GAS7: variants seen among roughly 807,000 people sequenced by gnomAD.
The protein encoded by GAS7 is growth arrest specific 7.
GAS7 carries 28 observed loss-of-function variants against 71.1 expected under a neutral mutation model. The observed-to-expected ratio is 0.39, with a 90% CI of 0.29 to 0.54. GAS7 has a LOEUF of 0.54. GAS7 is among the 20% of genes least tolerant of loss of function. The pLI, the probability that GAS7 is intolerant of heterozygous loss-of-function variation, is 0.62. For synonymous variants in GAS7, 258 were observed against 245.8 expected, an observed-to-expected ratio of 1.05 and a Z score of -0.46; for missense variants, 436 against 627.8, an observed-to-expected ratio of 0.69 and a Z score of 3.27.
At chr17:9,984,175 T>C (rs1053961687) in intron 2 of GAS7, among the ~76,000 whole-genome samples, 3 of 152,218 alleles carry the variant, frequency 2.0e-5, no homozygotes, top group Admixed American at 1.3e-4. Context: ...AACTGGGTTC[T>C]TGACTCAACT....
intron 1 of GAS7, among the ~76,000 whole-genome samples, chr17:10,165,403 T>C (rs2074286924): frequency 6.6e-6 from 1 of 152,088 alleles, no homozygotes; most frequent in South Asian, 2.1e-4. Flanking sequence ...GCCTAGCACA[T>C]GTGCTGCTAT....
intron 11 of GAS7, among the ~76,000 whole-genome samples, chr17:9,924,360 G>A (rs1266541862): frequency 6.6e-6 from 1 of 152,018 alleles, no homozygotes; most frequent in Non-Finnish European, 1.5e-5. Flanking sequence ...TTTTTTTGTA[G>A]AGATGAGGTA....
chr17:9,934,273 T>G, intron 8 of GAS7, 29 bp from the exon 9 acceptor site: 1 of 1,508,622 alleles, frequency 6.6e-7, no homozygotes, highest in Non-Finnish European at 9.2e-7. Flanking sequence ...GAGACTCAGG[T>G]CACAAGCCAA....
chr17:9,923,570 G>C (rs1369209436), intron 11 of GAS7, among the ~76,000 whole-genome samples: 1 of 152,162 alleles, frequency 6.6e-6, no homozygotes, highest in Non-Finnish European at 1.5e-5. Flanking sequence ...TACTCAACCT[G>C]GGTTATGGAG....
At chr17:9,997,922 C>T (rs995439416) in intron 2 of GAS7, among the ~76,000 whole-genome samples, 10 of 152,200 alleles carry the variant, frequency 6.6e-5, no homozygotes, top group Admixed American at 6.5e-4. Context: ...GCTTCCATGC[C>T]CTCTCCTGGC....
chr17:9,973,981 TC>T (rs1388846501), intron 3 of GAS7, among the ~76,000 whole-genome samples: 1 of 152,038 alleles, frequency 6.6e-6, no homozygotes, highest in Non-Finnish European at 1.5e-5. Flanking sequence ...CCTGACTCCC[TC>T]CCTCCCCAGA....
chr17:10,151,874 T>G (rs1258157124), intron 1 of GAS7, among the ~76,000 whole-genome samples: 1 of 152,220 alleles, frequency 6.6e-6, no homozygotes, highest in Admixed American at 6.5e-5. Context: ...TTTTGACTTT[T>G]ACTTCTGACA....
intron 2 of GAS7, among the ~76,000 whole-genome samples, chr17:9,982,289 A>G (rs3826528): frequency 0.39 from 58,527 of 152,002 alleles, 13,203 homozygotes; most frequent in African/African-American, 0.64. Context: ...ATTTCTCCCC[A>G]AATGTCCACT....
intron 1 of GAS7, among the ~76,000 whole-genome samples, chr17:10,142,157 A>G (rs2074087824): frequency 6.6e-6 from 1 of 151,024 alleles, no homozygotes; most frequent in Non-Finnish European, 1.5e-5. Context: ...CGGAGCTTGC[A>G]GTGAGCCGAA....
chr17:10,153,166 C>T (rs111920457), intron 1 of GAS7, among the ~76,000 whole-genome samples: 5,070 of 145,428 alleles, frequency 0.035, 356 homozygotes, highest in East Asian at 0.33. Flanking sequence ...GCCAAGATCA[C>T]GCCATTACAC....
intron 2 of GAS7, among the ~76,000 whole-genome samples, chr17:10,005,154 CAT>C (rs1567879978): frequency 5.8e-5 from 2 of 34,562 alleles, no homozygotes; most frequent in Non-Finnish European, 1.3e-4. Flanking sequence ...CGCATGCATG[CAT>C]GTGTGTGCGC....
At chr17:10,027,182 C>G (rs1235052491) in intron 1 of GAS7, 2 of 152,186 alleles carry the variant, frequency 1.3e-5, no homozygotes, top group African/African-American at 4.8e-5. Flanking sequence ...ATGTCCCTAT[C>G]CCTCTTTTCA....
At chr17:9,970,844 G>A (rs138772302) in intron 3 of GAS7, among the ~76,000 whole-genome samples, 382 of 152,196 alleles carry the variant, frequency 2.5e-3, no homozygotes, top group African/African-American at 8.4e-3. Flanking sequence ...AAGCCCCAAC[G>A]CCGCTACACG....
chr17:9,931,328 G>A (rs568618990), intron 9 of GAS7, among the ~76,000 whole-genome samples: 2 of 152,308 alleles, frequency 1.3e-5, no homozygotes, highest in East Asian at 3.9e-4. Flanking sequence ...CCACTACCAC[G>A]TCGGAGAGAG....
intron 4 of GAS7, among the ~76,000 whole-genome samples, chr17:9,967,375 T>C (rs9916147): frequency 0.22 from 33,919 of 151,794 alleles, 3,899 homozygotes; most frequent in Middle Eastern, 0.29. Context: ...CCTTGCGAGA[T>C]ACTCAGCGTC....
chr17:10,142,835 G>C (rs1182700194), intron 1 of GAS7, among the ~76,000 whole-genome samples: 1 of 152,196 alleles, frequency 6.6e-6, no homozygotes, highest in Non-Finnish European at 1.5e-5. Flanking sequence ...ACTCACGGGG[G>C]TTCAGACATC....
At chr17:9,970,256 C>T (rs28518776) in intron 3 of GAS7, among the ~76,000 whole-genome samples, 3,456 of 152,170 alleles carry the variant, frequency 0.023, 109 homozygotes, top group African/African-American at 0.07. Flanking sequence ...GACTGGTCAC[C>T]GTGAAATTAG....
chr17:10,004,530 C>T (rs541332291), intron 2 of GAS7, among the ~76,000 whole-genome samples: 1 of 152,134 alleles, frequency 6.6e-6, no homozygotes, highest in Admixed American at 6.5e-5. Flanking sequence ...CCCAGAATGG[C>T]AGAGCTTCCT....
chr17:9,935,838 G>C (rs1308119990), intron 8 of GAS7, among the ~76,000 whole-genome samples: 18 of 152,228 alleles, frequency 1.2e-4, no homozygotes, highest in Admixed American at 1.2e-3. Flanking sequence ...GTCTCTGCCT[G>C]AAGGGCCTGA....
Sources: gnomAD v4.1 joint callset for allele counts (sites outside exome capture counted in the v4.1 genomes callset) on GRCh38, gnomAD v4.1.1 for gene constraint, MANE v1.5 for transcripts, NCBI Gene and HGNC (gene_info 2026-07-23, HGNC 2026-07-21) for gene names.